The following KIRREL3 variants were observed in gnomAD, a reference collection of about 807,000 sequenced individuals.
The protein encoded by KIRREL3 is kirre like nephrin family adhesion molecule 3.
Under a neutral mutation model 89.7 loss-of-function variants are expected in KIRREL3, and 36 were observed. The observed-to-expected ratio is 0.40, with a 90% CI of 0.31 to 0.53. The LOEUF is 0.53. KIRREL3 is among the 20% of genes least tolerant of loss of function. KIRREL3 has a pLI of 0.49. For missense variants in KIRREL3, 864 were observed against 1,056.6 expected, an observed-to-expected ratio of 0.82 and a Z score of 2.53; for synonymous variants, 445 against 441.4, an observed-to-expected ratio of 1.01 and a Z score of -0.10.
At chr11:126,674,728 T>A (rs1232163248) in intron 1 of KIRREL3, among the ~76,000 whole-genome samples, 5 of 152,200 alleles carry the variant, frequency 3.3e-5, no homozygotes, top group Admixed American at 2.6e-4. Flanking sequence ...TGTCATCTTT[T>A]CTTAGGAGCT....
chr11:126,506,562 T>C (rs1300799558), intron 4 of KIRREL3, among the ~76,000 whole-genome samples: 1 of 152,208 alleles, frequency 6.6e-6, no homozygotes, highest in African/African-American at 2.4e-5. Context: ...ACTTGAAACC[T>C]GTAACAGTGT....
Position 126,656,604 on chromosome 11 carries a change from C to A in KIRREL3, c.56-93692G>T, listed in dbSNP as rs1945149944. On this transcript the variant is annotated intron_variant, in intron 1 of 16. Coordinates refer to ENST00000525144, the MANE Select transcript of KIRREL3 (RefSeq NM_032531.4). The surrounding 1 kb of genome is among the most constrained non-coding windows in gnomAD (Gnocchi z 4.0). ...GCACTGATTGTCTTACCCACAGGGG[C>A]AGTTTAAATCTTCATGCTTTTACCA... Among the ~76,000 whole-genome samples the A allele has an allele frequency of 1.3e-5, 2 of 152,208 alleles. No individual in the cohort carries two copies. Among genetic ancestry groups the A allele is most frequent in the South Asian group, 2.1e-4 (1 of 4,830 alleles).
rs1945680225 is a variant in KIRREL3, at chr11:126,666,708, G to C, written c.56-103796C>G. On this transcript the variant is annotated intron_variant, in intron 1 of 16. Coordinates refer to ENST00000525144, the MANE Select transcript of KIRREL3 (RefSeq NM_032531.4). The surrounding 1 kb of genome is among the most constrained non-coding windows in gnomAD (Gnocchi z 4.2). ...TAAACAGAGCTCTCTTTTTCTCTCTGGTGAGGTTTTTGCTTTTCCCATTTT... is the reference window on the plus strand; with the variant it reads ...TAAACAGAGCTCTCTTTTTCTCTCTCGTGAGGTTTTTGCTTTTCCCATTTT... Among the ~76,000 whole-genome samples, 1 of 152,086 alleles carries C rather than the reference G, an allele frequency of 6.6e-6. No individual in the cohort carries two copies. The highest frequency in any genetic ancestry group is 2.4e-5 in the African/African-American group (1 of 41,414).
rs1243796968 is a variant in KIRREL3 at position 126,970,692 on chromosome 11, A to G, written c.55+29763T>C. On this transcript the variant is annotated intron_variant, in intron 1 of 16. Coordinates refer to ENST00000525144, the MANE Select transcript of KIRREL3 (RefSeq NM_032531.4). This position sits in a 1 kb window ranked among gnomAD's most constrained non-coding sequence, Gnocchi z 4.4. ...GATTTTTTCTATTATATGTAAAATG[A>G]TAAACATACAGCATTTCAACCACAT... 6.6e-6 allele frequency among the ~76,000 whole-genome samples: 1 copy of G among 152,214 alleles called. No homozygotes were observed. The highest frequency in any genetic ancestry group is 6.5e-5 in the Admixed American group (1 of 15,278).
At chr11:126,670,830 A>G (rs1487096427) in intron 1 of KIRREL3, among the ~76,000 whole-genome samples, 1 of 152,262 alleles carries the variant, frequency 6.6e-6, no homozygotes, top group Non-Finnish European at 1.5e-5. Flanking sequence ...AACTTAATGT[A>G]AATTTTGTAT....
Position 126,455,448 on chromosome 11 carries a change from T to C in KIRREL3, c.848+901A>G, listed in dbSNP as rs1298799144. 6.6e-6 allele frequency among the ~76,000 whole-genome samples: 1 copy of C among 152,208 alleles called. No individual in the cohort carries two copies. Among genetic ancestry groups the C allele is most frequent in the East Asian group, 1.9e-4 (1 of 5,186 alleles). On this transcript the variant is annotated intron_variant, in intron 7 of 16. Coordinates refer to ENST00000525144, the MANE Select transcript of KIRREL3 (RefSeq NM_032531.4). The surrounding 1 kb of genome is among the most constrained non-coding windows in gnomAD (Gnocchi z 6.4). ...CCATCAGTGACTAAATTGCAGTTCC[T>C]GCCTTCAAGAAGCTCTGTCACAAGG...
At chr11:126,920,354 T>C (rs941559342) in intron 1 of KIRREL3, 40 of 152,438 alleles carry the variant, frequency 2.6e-4, no homozygotes, top group African/African-American at 9.4e-4. Context: ...ACCATAATCA[T>C]GCTATCAAAT....
chr11:126,824,063 G>GC (rs1230092947), intron 1 of KIRREL3, among the ~76,000 whole-genome samples: 1 of 152,188 alleles, frequency 6.6e-6, no homozygotes, highest in Admixed American at 6.5e-5. Flanking sequence ...TGACTCTAGG[G>GC]CCCCTGAACA....
intron 1 of KIRREL3, among the ~76,000 whole-genome samples, chr11:126,675,816 G>T (rs1946162456): frequency 6.6e-6 from 1 of 152,224 alleles, no homozygotes; most frequent in Non-Finnish European, 1.5e-5. Flanking sequence ...CACTTCAGCA[G>T]CTGTATGGGT....
At chr11:126,960,277 G>T (rs1949045907) in intron 1 of KIRREL3, among the ~76,000 whole-genome samples, 1 of 151,928 alleles carries the variant, frequency 6.6e-6, no homozygotes, top group Non-Finnish European at 1.5e-5. Context: ...CTTAAGAGCA[G>T]GGTAGTTTAA....
chr11:126,464,825 G>C (rs1455384169), intron 5 of KIRREL3, among the ~76,000 whole-genome samples: 1 of 152,168 alleles, frequency 6.6e-6, no homozygotes, highest in Non-Finnish European at 1.5e-5. Flanking sequence ...TGAGATAATT[G>C]ATTTCTGTTG....
intron 1 of KIRREL3, among the ~76,000 whole-genome samples, chr11:126,711,780 C>T (rs923688324): frequency 1.3e-5 from 2 of 152,194 alleles, no homozygotes; most frequent in African/African-American, 4.8e-5. Flanking sequence ...TCCCACTGTG[C>T]GAGGATGCTG....
intron 1 of KIRREL3, among the ~76,000 whole-genome samples, chr11:126,800,927 G>C (rs940813619): frequency 2.0e-5 from 3 of 152,204 alleles, no homozygotes; most frequent in African/African-American, 7.2e-5. Context: ...TTAATAGGAT[G>C]TCTGCTTGCT....
intron 1 of KIRREL3, among the ~76,000 whole-genome samples, chr11:126,930,984 C>T (rs371553328): frequency 2.6e-5 from 4 of 152,152 alleles, no homozygotes; most frequent in Non-Finnish European, 4.4e-5. Context: ...CTTTCACATT[C>T]GGTTCCCTCT....
chr11:126,739,237 G>A lies in KIRREL3; in HGVS notation c.56-176325C>T, dbSNP rs938280205. ...TGTGAATTTCTAGCCTTCTGCATATGACTTGCCCACAGAGCATTAGGTGAT... is the reference window on the plus strand; with the variant it reads ...TGTGAATTTCTAGCCTTCTGCATATAACTTGCCCACAGAGCATTAGGTGAT... On this transcript the variant is annotated intron_variant, in intron 1 of 16. Transcript: ENST00000525144. The surrounding 1 kb of genome is among the most constrained non-coding windows in gnomAD (Gnocchi z 5.5). Among the ~76,000 whole-genome samples, 1 of 152,230 alleles carries A rather than the reference G, an allele frequency of 6.6e-6. No individual in the cohort carries two copies. Among genetic ancestry groups the A allele is most frequent in the Non-Finnish European group, 1.5e-5 (1 of 68,036 alleles).
intron 1 of KIRREL3, among the ~76,000 whole-genome samples, chr11:126,928,672 G>A (rs902722940): frequency 6.6e-6 from 1 of 152,220 alleles, no homozygotes; most frequent in African/African-American, 2.4e-5. Context: ...ACCCTCACCA[G>A]CATGACTGGG....
At chr11:126,497,203 A>C (rs891920429) in intron 4 of KIRREL3, among the ~76,000 whole-genome samples, 1 of 35,644 alleles carries the variant, frequency 2.8e-5, no homozygotes, top group Non-Finnish European at 5.4e-5. Context: ...AGTGTGTGTG[A>C]GTGTGAGTGT....
At chr11:126,460,099 G>A (rs968996261) in intron 6 of KIRREL3, among the ~76,000 whole-genome samples, 3 of 152,100 alleles carry the variant, frequency 2.0e-5, no homozygotes, top group African/African-American at 7.2e-5. Flanking sequence ...AAATGGAGGA[G>A]GAGCGGGAGC....
At position 126,550,907 on chromosome 11, in the gene KIRREL3, TG is replaced by T. The variant is rs1469242795; in HGVS notation, c.133+11927del. Among the ~76,000 whole-genome samples, 1 of 152,120 alleles carries T rather than the reference TG, an allele frequency of 6.6e-6. No homozygotes were observed. The highest frequency in any genetic ancestry group is 1.5e-5 in the Non-Finnish European group (1 of 68,020). ...GGAGATAGTGTCAGATCCCACAGGC[TG>T]GGGGCTCAGTCCCCAAGACTTCCCC... On this transcript the variant is annotated intron_variant, in intron 2 of 16. Coordinates refer to ENST00000525144, the MANE Select transcript of KIRREL3 (RefSeq NM_032531.4). The surrounding 1 kb of genome is among the most constrained non-coding windows in gnomAD (Gnocchi z 4.9).
Sources: allele counts gnomAD v4.1 joint callset (sites outside exome capture counted in the v4.1 genomes callset), GRCh38; gene constraint gnomAD v4.1.1; non-coding constraint Gnocchi (gnomAD v3.1); transcripts MANE v1.5; gene names NCBI Gene and HGNC (gene_info 2026-07-23, HGNC 2026-07-21).